WWOX: variants seen among roughly 807,000 people sequenced by gnomAD.
The protein encoded by WWOX is WW domain-containing oxidoreductase.
In WWOX, 69 loss-of-function variants were observed where a neutral mutation model predicts 46.2. That is an observed-to-expected ratio of 1.49 (90% CI 1.23 to 1.82). The LOEUF (loss-of-function observed/expected upper bound fraction) is 1.82. Among genes scored for constraint, WWOX ranks in the 40% most tolerant of loss-of-function variants. The pLI, the probability that WWOX is intolerant of heterozygous loss-of-function variation, is 0.00. For missense variants in WWOX, 919 were observed against 542.6 expected, an observed-to-expected ratio of 1.69 and a Z score of -6.89; for synonymous variants, 359 against 202.6, an observed-to-expected ratio of 1.77 and a Z score of -6.56.
Position 78,360,603 on chromosome 16 carries a change from G to T in WWOX, c.517-26257G>T, listed in dbSNP as rs1218386605. 1.2e-4 allele frequency among the ~76,000 whole-genome samples: 5 copies of T among 42,976 alleles called. 1 individual carries two copies. The South Asian group carries it at 2.4e-3, about 21-fold the overall frequency. 28.2% of individuals were successfully genotyped at this position (42,976 alleles called of 152,430 possible). A position where few individuals can be genotyped will look rare whatever the true frequency, so the allele number is the denominator to read the frequency against. On this transcript the variant is annotated intron_variant, in intron 5 of 8. Transcript: ENST00000566780. The stretch of plus-strand genomic sequence containing the variant: ...TCTGTCTCAAAAAAAAAAAAAAGTT[G>T]CAGAAATAGCAATATTTCACAGTAC...
At chr16:78,931,320 G>T (rs755531550) in intron 8 of WWOX, among the ~76,000 whole-genome samples, 2 of 152,174 alleles carry the variant, frequency 1.3e-5, no homozygotes, top group African/African-American at 2.4e-5. Flanking sequence ...AGTCAAAGAA[G>T]GTCTTCTTCT....
chr16:78,274,877 G>A (rs1016346968), intron 5 of WWOX, among the ~76,000 whole-genome samples: 4 of 152,272 alleles, frequency 2.6e-5, no homozygotes, highest in African/African-American at 7.2e-5. Flanking sequence ...AGTACACTGA[G>A]TCTCTACTGC....
At chr16:78,903,379 A>G (rs2044877620) in intron 8 of WWOX, among the ~76,000 whole-genome samples, 2 of 152,348 alleles carry the variant, frequency 1.3e-5, no homozygotes, top group Admixed American at 6.5e-5. Flanking sequence ...TATGCAAACG[A>G]AGACTCCGCC....
intron 8 of WWOX, among the ~76,000 whole-genome samples, chr16:78,658,903 C>A (rs1212754518): frequency 7.4e-6 from 1 of 135,668 alleles, no homozygotes; most frequent in African/African-American, 2.7e-5. Context: ...ACCAGCCTGG[C>A]CAAAATGGCA....
chr16:78,671,522 C>A (rs542902836), intron 8 of WWOX, among the ~76,000 whole-genome samples: 14 of 152,254 alleles, frequency 9.2e-5, no homozygotes, highest in African/African-American at 3.4e-4. Flanking sequence ...GATGGTTTAG[C>A]TTATTTAGTA....
chr16:78,584,813 C>T (rs1215054270), intron 8 of WWOX, among the ~76,000 whole-genome samples: 1 of 152,210 alleles, frequency 6.6e-6, no homozygotes, highest in African/African-American at 2.4e-5. Context: ...TGGCCGTGTG[C>T]ACGTGTAAAA....
chr16:78,960,296 G>A (rs1013369822), intron 8 of WWOX, among the ~76,000 whole-genome samples: 1 of 152,144 alleles, frequency 6.6e-6, no homozygotes, highest in Non-Finnish European at 1.5e-5. Context: ...ATAGGACTAG[G>A]CTTCATATTT....
At chr16:78,205,543 A>G (rs951791069) in intron 5 of WWOX, among the ~76,000 whole-genome samples, 2 of 151,634 alleles carry the variant, frequency 1.3e-5, no homozygotes, top group African/African-American at 4.9e-5. Context: ...CCATCCACCC[A>G]TGAATCTATC....
Position 78,836,927 on chromosome 16 carries a change from G to A in WWOX, c.1057-374681G>A, listed in dbSNP as rs112210523. Among the ~76,000 whole-genome samples, 207 of 152,222 alleles carry A rather than the reference G, an allele frequency of 1.4e-3. 3 individuals are homozygous for A. The highest frequency in any genetic ancestry group is 4.7e-3 in the African/African-American group (197 of 41,528). On this transcript the variant is annotated intron_variant, in intron 8 of 8. Transcript: ENST00000566780. ...CTTTTTTCAGAGTCAGAGGTTGGCA[G>A]CAAAATATGAGAGATGGAAGGTCAA...
At chr16:78,920,169 C>G (rs879246285) in intron 8 of WWOX, among the ~76,000 whole-genome samples, 2 of 152,038 alleles carry the variant, frequency 1.3e-5, no homozygotes, top group Admixed American at 1.3e-4. Context: ...ATGCCAGGAT[C>G]CAGAGTAAAA....
At chr16:79,179,034 C>A (rs573761158) in intron 8 of WWOX, among the ~76,000 whole-genome samples, 1 of 152,116 alleles carries the variant, frequency 6.6e-6, no homozygotes, top group East Asian at 1.9e-4. Flanking sequence ...CTAAACCTGG[C>A]CCTGCCTCAG....
chr16:78,435,422 A>G (rs1417364908), intron 8 of WWOX, among the ~76,000 whole-genome samples: 1 of 152,192 alleles, frequency 6.6e-6, no homozygotes, highest in Non-Finnish European at 1.5e-5. Context: ...ATAGCAAGGC[A>G]AGGCTTGGGA....
chr16:78,114,073 T>C (rs988476801), intron 3 of WWOX, among the ~76,000 whole-genome samples: 6 of 151,696 alleles, frequency 4.0e-5, no homozygotes, highest in Admixed American at 2.6e-4. Context: ...GGAGTACTCT[T>C]TTCATCCATA....
At chr16:78,856,264 G>A (rs1023741017) in intron 8 of WWOX, among the ~76,000 whole-genome samples, 1 of 152,204 alleles carries the variant, frequency 6.6e-6, no homozygotes, top group Non-Finnish European at 1.5e-5. Flanking sequence ...CAACAGGCCT[G>A]GACGTTGTTT....
intron 8 of WWOX, among the ~76,000 whole-genome samples, chr16:79,169,778 G>A (rs1567595414): frequency 1.3e-5 from 2 of 152,152 alleles, no homozygotes; most frequent in Admixed American, 6.5e-5. Flanking sequence ...TGTCACTCTA[G>A]GGACTACCCT....
rs571815403 is a variant in WWOX at position 78,690,425 on chromosome 16, A to C, written c.1056+257673A>C. ...AACTTAGCCAGGTGCGGAGGCATTCACCTGTATTCCTAGCTACTCAGGAAG... is the reference window on the plus strand; with the variant it reads ...AACTTAGCCAGGTGCGGAGGCATTCCCCTGTATTCCTAGCTACTCAGGAAG... On this transcript the variant is annotated intron_variant, in intron 8 of 8. Coordinates refer to ENST00000566780, the MANE Select transcript of WWOX (RefSeq NM_016373.4). 5.3e-5 allele frequency among the ~76,000 whole-genome samples: 8 copies of C among 152,062 alleles called. No individual in the cohort carries two copies. In the South Asian group the frequency reaches 1.7e-3, roughly 32 times the overall value.
rs1484902519 is a variant in WWOX, at chr16:78,842,674, G to A, written c.1057-368934G>A. ...AGCTCAGGAGTTTGAGAACATCCAG[G>A]GAAACATAGTGTGACCCCATTTCTA... On this transcript the variant is annotated intron_variant, in intron 8 of 8. Coordinates refer to ENST00000566780, the MANE Select transcript of WWOX (RefSeq NM_016373.4). Among the ~76,000 whole-genome samples, 11 of 151,904 alleles carry A rather than the reference G, an allele frequency of 7.2e-5. 1 individual carries two copies. Among genetic ancestry groups the A allele is most frequent in the Admixed American group, 7.2e-4 (11 of 15,248 alleles).
At chr16:78,687,741 A>G (rs1272123827) in intron 8 of WWOX, among the ~76,000 whole-genome samples, 3 of 152,224 alleles carry the variant, frequency 2.0e-5, no homozygotes, top group Admixed American at 6.5e-5. Flanking sequence ...GTTATTCTAA[A>G]TTAACACTGT....
At chr16:78,254,073 C>A (rs567292997) in intron 5 of WWOX, among the ~76,000 whole-genome samples, 12 of 151,520 alleles carry the variant, frequency 7.9e-5, no homozygotes, top group East Asian at 5.8e-4. Flanking sequence ...GTGAAGAATT[C>A]TTCTTTTTTT....
Sources: gnomAD v4.1 joint callset for allele counts (sites outside exome capture counted in the v4.1 genomes callset) on GRCh38, gnomAD v4.1.1 for gene constraint, MANE v1.5 for transcripts, NCBI Gene and HGNC (gene_info 2026-07-23, HGNC 2026-07-21) for gene names.